CDIP1: variants seen among roughly 807,000 people sequenced by gnomAD.
The protein encoded by CDIP1 is cell death inducing p53 target 1.
A neutral mutation model predicts 17.7 loss-of-function variants in CDIP1; 9 were observed. That is an observed-to-expected ratio of 0.51 (90% confidence interval 0.31 to 0.89). The LOEUF is 0.89. Among genes scored for constraint, CDIP1 ranks in the 40% least tolerant of loss-of-function variants. The pLI is 0.05. For missense variants in CDIP1, 263 were observed against 277.9 expected, an observed-to-expected ratio of 0.95 and a Z score of 0.38; for synonymous variants, 117 against 109.5, an observed-to-expected ratio of 1.07 and a Z score of -0.43.
intron 1 of CDIP1, among the ~76,000 whole-genome samples, chr16:4,527,131 AGGCT>A (rs1168469409): frequency 6.7e-6 from 1 of 149,962 alleles, no homozygotes; most frequent in East Asian, 2.0e-4. Flanking sequence ...ACTGTCGCCC[AGGCT>A]GGAGTGCAGT....
At position 4,512,285 on chromosome 16, in the gene CDIP1, G is replaced by A. The variant is rs115616187; in HGVS notation, c.*287C>T. On this transcript the variant is annotated 3_prime_UTR_variant, in exon 6 of 6. Coordinates refer to ENST00000567695, the MANE Select transcript of CDIP1 (RefSeq NM_013399.3). This position sits in a 1 kb window ranked among gnomAD's most constrained non-coding sequence, Gnocchi z 4.6. ...CAGAGGCATCAGGACCCCAGCAGGA[G>A]ACCCCTCCCAGCTTATCTTCCCGAT... The A allele has an allele frequency of 0.05, 25,714 of 513,532 alleles. 1,265 individuals are homozygous for A. Among genetic ancestry groups the A allele is most frequent in the African/African-American group, 0.17 (9,046 of 52,062 alleles). 31.8% of individuals were successfully genotyped at this position (513,532 alleles called of 1,614,324 possible).
At chr16:4,532,837 A>T (rs1453124705) in intron 1 of CDIP1, 1 of 152,266 alleles carries the variant, frequency 6.6e-6, no homozygotes, top group African/African-American at 2.4e-5. Context: ...TGGGGACAGA[A>T]ACTAAGGCCT....
At chr16:4,524,770 T>A (rs2058982924) in intron 1 of CDIP1, among the ~76,000 whole-genome samples, 1 of 152,214 alleles carries the variant, frequency 6.6e-6, no homozygotes, top group African/African-American at 2.4e-5. Context: ...TAATTATTGG[T>A]AAATTATTTT....
chr16:4,512,893 A>G lies in CDIP1; in HGVS notation c.413T>C (p.Val138Ala), dbSNP rs908683386. 5.7e-6 allele frequency: 9 copies of G among 1,568,226 alleles called. No individual in the cohort carries two copies. In the African/African-American group the frequency reaches 1.2e-4, roughly 21 times the overall value. ...CTGGCAGTGGGGACACACCGTCTGC[A>G]CAGGCGCTCCCTCAAAGATCTCTCC... ...LQGEIFEGAP[V>A]QTVCPHCQQA... Residue 138 changes from valine to alanine, a missense_variant, in exon 5 of 6, where the codon GTG becomes GCG. Transcript: ENST00000567695. This position sits in a 1 kb window ranked among gnomAD's most constrained non-coding sequence, Gnocchi z 4.6.
intron 1 of CDIP1, among the ~76,000 whole-genome samples, chr16:4,530,648 C>CAAA (rs71139637): frequency 1.4e-5 from 2 of 143,950 alleles, no homozygotes; most frequent in Non-Finnish European, 3.0e-5. Context: ...GACTCCATCT[C>CAAA]AAAAAAAAAA....
At chr16:4,519,315 GGAC>G (rs930785824) in intron 1 of CDIP1, among the ~76,000 whole-genome samples, 53 of 152,308 alleles carry the variant, frequency 3.5e-4, no homozygotes, top group Admixed American at 1.3e-3. Flanking sequence ...GTTCTGCAGC[GGAC>G]ACCAGGTGGA....
rs777937893 is a variant in CDIP1 at position 4,514,105 on chromosome 16, T to C, written c.26A>G (p.Tyr9Cys). 1.4e-5 allele frequency: 22 copies of C among 1,544,528 alleles called. No individual in the cohort carries two copies. The highest frequency in any genetic ancestry group is 1.9e-5 in the Non-Finnish European group (22 of 1,156,348). The change falls in exon 3 of 6, where the codon TAT becomes TGT. Residue 9 changes from tyrosine (Y) to cysteine (C), a missense_variant. Physicochemically the swap from Tyr to Cys is radical, Grantham distance 194. Coordinates refer to ENST00000567695, the MANE Select transcript of CDIP1 (RefSeq NM_013399.3). This position sits in a 1 kb window ranked among gnomAD's most constrained non-coding sequence, Gnocchi z 5.2. MSSEPPPPYPGGPTAPLLE... is the reference protein window; with the variant it reads MSSEPPPPCPGGPTAPLLE... ...AAGTGGGGCTGTGGGGCCCCCAGGA[T>C]AAGGAGGGGGAGGCTCGCTGGACAT...
chr16:4,521,095 TG>T (rs1268259855), intron 1 of CDIP1, among the ~76,000 whole-genome samples: 1 of 152,076 alleles, frequency 6.6e-6, no homozygotes, highest in African/African-American at 2.4e-5. Flanking sequence ...CTGGTGTGTG[TG>T]TGTGTGTGTG....
chr16:4,513,982 G>C lies in CDIP1; in HGVS notation c.85+64C>G, dbSNP rs1445885990. The C allele has an allele frequency of 7.5e-7, 1 of 1,336,908 alleles. No homozygotes were observed. Among genetic ancestry groups the C allele is most frequent in the African/African-American group, 1.5e-5 (1 of 66,158 alleles). The allele number at this position is 1,336,908 out of a possible 1,614,324, so 82.8% of individuals were successfully genotyped here. ...TGGAGTGGGCATCACCACTTAGAGA[G>C]TCCCAACCATGCCATGGCGGCAGGG... On this transcript the variant is annotated intron_variant, in intron 3 of 5. Transcript: ENST00000567695. The surrounding 1 kb of genome is among the most constrained non-coding windows in gnomAD (Gnocchi z 4.1).
intron 1 of CDIP1, among the ~76,000 whole-genome samples, chr16:4,526,699 C>CAA (rs533975953): frequency 9.4e-6 from 1 of 106,784 alleles, no homozygotes; most frequent in African/African-American, 3.5e-5. Context: ...GACTCCATCT[C>CAA]AAAAAAAAAA....
At chr16:4,531,004 C>T (rs755999512) in intron 1 of CDIP1, among the ~76,000 whole-genome samples, 18 of 151,820 alleles carry the variant, frequency 1.2e-4, no homozygotes, top group Non-Finnish European at 2.5e-4. Flanking sequence ...CAGGAGCTCA[C>T]GTCATGATTG....
chr16:4,523,191 T>TA (rs2058968441), intron 1 of CDIP1, among the ~76,000 whole-genome samples: 1 of 152,060 alleles, frequency 6.6e-6, no homozygotes, highest in Admixed American at 6.6e-5. Context: ...ACTCAGCACA[T>TA]CCTCCGTGCC....
At chr16:4,518,440 C>A (rs2058910597) in intron 1 of CDIP1, among the ~76,000 whole-genome samples, 1 of 152,210 alleles carries the variant, frequency 6.6e-6, no homozygotes, top group Non-Finnish European at 1.5e-5. Context: ...AGCTCGATGG[C>A]CACACCAGAG....
Position 4,512,711 on chromosome 16 carries a change from T to C in CDIP1, c.516-28A>G. ...GAATCAGAGACAGGGAAGAACAGGCTGAGGCCTGCTGCGGAGGAGGCAGAG... is the reference window on the plus strand; with the variant it reads ...GAATCAGAGACAGGGAAGAACAGGCCGAGGCCTGCTGCGGAGGAGGCAGAG... On this transcript the variant is annotated intron_variant, in intron 5 of 5. Coordinates refer to ENST00000567695, the MANE Select transcript of CDIP1 (RefSeq NM_013399.3). This position sits in a 1 kb window ranked among gnomAD's most constrained non-coding sequence, Gnocchi z 4.6. 1 of 1,608,578 alleles carries C rather than the reference T, an allele frequency of 6.2e-7. No individual in the cohort carries two copies. Among genetic ancestry groups the C allele is most frequent in the East Asian group, 2.2e-5 (1 of 44,754 alleles).
rs528933908 is a variant in CDIP1, at chr16:4,524,752, T to A, written c.-104-10088A>T. ...TTCCACATGAGTAATAAAACTTGGT[T>A]TACTGGTTAATTATTGGTAAATTAT... On this transcript the variant is annotated intron_variant, in intron 1 of 5. Coordinates refer to ENST00000567695, the MANE Select transcript of CDIP1 (RefSeq NM_013399.3). Among the ~76,000 whole-genome samples, 6 of 152,316 alleles carry A rather than the reference T, an allele frequency of 3.9e-5. No homozygotes were observed. The East Asian group carries it at 9.6e-4, about 24-fold the overall frequency.
chr16:4,531,327 C>CT (rs542034725), intron 1 of CDIP1, among the ~76,000 whole-genome samples: 150 of 147,268 alleles, frequency 1.0e-3, no homozygotes, highest in African/African-American at 2.7e-3. Context: ...TGTGCCCGGC[C>CT]TTTTTTTTTT....
At chr16:4,538,630 G>A (rs2059137976) in intron 1 of CDIP1, 72 bp downstream of exon 1, 1 of 152,246 alleles carries the variant, frequency 6.6e-6, no homozygotes, top group Non-Finnish European at 1.5e-5. Flanking sequence ...AGGAGAGCTG[G>A]CGCCCAGACC....
intron 1 of CDIP1, among the ~76,000 whole-genome samples, chr16:4,534,783 A>G (rs2059090971): frequency 6.6e-6 from 1 of 150,810 alleles, no homozygotes; most frequent in Non-Finnish European, 1.5e-5. Flanking sequence ...CAGTGGTACA[A>G]TCTCGACTCA....
rs1246322957 is a variant in CDIP1 at position 4,510,674 on chromosome 16, A to T, written c.*1898T>A. ...GGGTTTTAAAAAAGCACATATTTGT[A>T]TTTAAACAATTCATTCTCTAAAAGA... On this transcript the variant is annotated 3_prime_UTR_variant, in exon 6 of 6. Transcript: ENST00000567695. 6.6e-6 allele frequency: 1 copy of T among 152,186 alleles called. No homozygotes were observed. The allele number at this position is 152,186 out of a possible 1,614,324, so 9.4% of individuals were successfully genotyped here.
Sources: allele counts gnomAD v4.1 joint callset (sites outside exome capture counted in the v4.1 genomes callset), GRCh38; gene constraint gnomAD v4.1.1; non-coding constraint Gnocchi (gnomAD v3.1); transcripts MANE v1.5; gene names NCBI Gene and HGNC (gene_info 2026-07-23, HGNC 2026-07-21).